Variants in ZDHHC14 observed in about 807,000 individuals in gnomAD.
ZDHHC14 encodes palmitoyltransferase ZDHHC14.
A neutral mutation model predicts 47.7 loss-of-function variants in ZDHHC14; 16 were observed. The ratio of observed to expected loss-of-function variants is 0.34; its 90% CI spans 0.23 to 0.51. The LOEUF (loss-of-function observed/expected upper bound fraction) is 0.51. Ranked by LOEUF, ZDHHC14 falls within the 20% of genes least tolerant of loss-of-function variation. The probability of loss-of-function intolerance (pLI) is 0.97; values close to 1 mark genes in which losing one functional copy is unlikely to be tolerated. For missense variants in ZDHHC14, 515 were observed against 662.5 expected, an observed-to-expected ratio of 0.78 and a Z score of 2.44; for synonymous variants, 293 against 278.9, an observed-to-expected ratio of 1.05 and a Z score of -0.50.
At chr6:157,482,867 C>G (rs139017991) in intron 1 of ZDHHC14, among the ~76,000 whole-genome samples, 1 of 151,760 alleles carries the variant, frequency 6.6e-6, no homozygotes, top group Non-Finnish European at 1.5e-5. Context: ...CTCAGCCTCC[C>G]GAGTAGCTGG....
intron 1 of ZDHHC14, among the ~76,000 whole-genome samples, chr6:157,532,707 G>T (rs575665925): frequency 1.8e-4 from 28 of 152,322 alleles, no homozygotes; most frequent in African/African-American, 6.3e-4. Flanking sequence ...CCTGGGTTTT[G>T]CCTTCTCAAA....
At chr6:157,387,429 C>T (rs952218438) in intron 1 of ZDHHC14, among the ~76,000 whole-genome samples, 1 of 152,168 alleles carries the variant, frequency 6.6e-6, no homozygotes, top group Admixed American at 6.5e-5. Context: ...CTTACCACCC[C>T]CTGGCCATGC....
intron 1 of ZDHHC14, among the ~76,000 whole-genome samples, chr6:157,521,219 T>C (rs557005115): frequency 6.6e-6 from 1 of 152,294 alleles, no homozygotes; most frequent in African/African-American, 2.4e-5. Flanking sequence ...CTTTTCTTTG[T>C]TGTGTTTTGG....
intron 3 of ZDHHC14, among the ~76,000 whole-genome samples, chr6:157,595,286 G>A (rs959556140): frequency 1.5e-5 from 2 of 134,900 alleles, no homozygotes; most frequent in African/African-American, 5.6e-5. Flanking sequence ...TCCACCTCCC[G>A]GATTCAAACA....
At chr6:157,516,825 CA>C (rs1418977075) in intron 1 of ZDHHC14, among the ~76,000 whole-genome samples, 1 of 152,160 alleles carries the variant, frequency 6.6e-6, no homozygotes. Context: ...TAATAAGTGC[CA>C]AAAACCACAC....
chr6:157,618,958 G>C (rs1013980885), intron 3 of ZDHHC14, among the ~76,000 whole-genome samples: 2 of 151,648 alleles, frequency 1.3e-5, no homozygotes, highest in Non-Finnish European at 2.9e-5. Context: ...TTCCTCACTC[G>C]CTCAAGGCCT....
chr6:157,570,203 C>A (rs1042317197), intron 2 of ZDHHC14, among the ~76,000 whole-genome samples: 1 of 152,206 alleles, frequency 6.6e-6, no homozygotes, highest in Admixed American at 6.5e-5. Context: ...AATATTAATG[C>A]CACTCAAACT....
intron 1 of ZDHHC14, among the ~76,000 whole-genome samples, chr6:157,442,815 G>C (rs771799047): frequency 9.2e-5 from 14 of 152,238 alleles, no homozygotes; most frequent in Non-Finnish European, 2.1e-4. Context: ...TCTGCCACTT[G>C]CAGCACCCCT....
chr6:157,597,107 G>A (rs575941545), intron 3 of ZDHHC14, among the ~76,000 whole-genome samples: 3 of 152,218 alleles, frequency 2.0e-5, no homozygotes, highest in African/African-American at 4.8e-5. Flanking sequence ...CACGTGGAAC[G>A]CAGCATTTCG....
intron 8 of ZDHHC14, among the ~76,000 whole-genome samples, chr6:157,654,486 A>G (rs1303731260): frequency 6.6e-6 from 1 of 152,176 alleles, no homozygotes. Flanking sequence ...ACTCCAGAGC[A>G]TCCATGACAG....
intron 3 of ZDHHC14, among the ~76,000 whole-genome samples, chr6:157,598,990 A>C (rs1181608075): frequency 1.3e-5 from 2 of 152,236 alleles, no homozygotes; most frequent in Non-Finnish European, 1.5e-5. Context: ...TTTAAAAAAA[A>C]CTTTAAAAAA....
chr6:157,382,331 C>T, intron 1 of ZDHHC14, 65 bp downstream of exon 1: 1 of 1,561,056 alleles, frequency 6.4e-7, no homozygotes, highest in Non-Finnish European at 8.6e-7. Flanking sequence ...CCCGCCCCTC[C>T]TCGGGCTGCT....
At chr6:157,431,005 A>G (rs1778328930) in intron 1 of ZDHHC14, among the ~76,000 whole-genome samples, 1 of 152,146 alleles carries the variant, frequency 6.6e-6, no homozygotes, top group South Asian at 2.1e-4. Context: ...TGTGTTGCTG[A>G]TCTGCTTGAT....
intron 1 of ZDHHC14, among the ~76,000 whole-genome samples, chr6:157,483,461 G>A (rs1779681744): frequency 6.6e-6 from 1 of 152,144 alleles, no homozygotes. Flanking sequence ...GATGAAATAT[G>A]TTTTTCCCCC....
chr6:157,521,664 C>T (rs750285204), intron 1 of ZDHHC14, among the ~76,000 whole-genome samples: 4 of 152,210 alleles, frequency 2.6e-5, no homozygotes, highest in South Asian at 2.1e-4. Flanking sequence ...CTAATGCCAT[C>T]GCATTGGCGG....
intron 1 of ZDHHC14, among the ~76,000 whole-genome samples, chr6:157,496,578 A>G (rs1342355812): frequency 6.6e-6 from 1 of 152,176 alleles, no homozygotes; most frequent in Non-Finnish European, 1.5e-5. Flanking sequence ...AGATGGACAT[A>G]CACAAAGGGA....
rs1467809079 is a variant in ZDHHC14 at position 157,675,104 on chromosome 6, C to G, written c.*1982C>G. 6.6e-6 allele frequency: 1 copy of G among 152,324 alleles called. No homozygotes were observed. The highest frequency in any genetic ancestry group is 1.5e-5 in the Non-Finnish European group (1 of 68,108). The allele number at this position is 152,324 out of a possible 1,614,324, so 9.4% of individuals were successfully genotyped here. Reference sequence around the variant, plus strand: ...GTCTCTGCTCCTTGCTTTCTTCCACCTGCTCCCCAGAGGCCCCAGGAAGGA... The same window carrying G: ...GTCTCTGCTCCTTGCTTTCTTCCACGTGCTCCCCAGAGGCCCCAGGAAGGA... On this transcript the variant is annotated 3_prime_UTR_variant, in exon 9 of 9. Coordinates refer to ENST00000359775, the MANE Select transcript of ZDHHC14 (RefSeq NM_024630.3).
chr6:157,509,913 C>G (rs1032944836), intron 1 of ZDHHC14, among the ~76,000 whole-genome samples: 4 of 152,216 alleles, frequency 2.6e-5, no homozygotes, highest in Non-Finnish European at 5.9e-5. Context: ...CTTCCTGCAG[C>G]CTCCACTCTG....
Position 157,502,128 on chromosome 6 carries a change from G to A in ZDHHC14, c.246-40457G>A, listed in dbSNP as rs1780207029. 6.6e-6 allele frequency among the ~76,000 whole-genome samples: 1 copy of A among 152,306 alleles called. No homozygotes were observed. Among genetic ancestry groups the A allele is most frequent in the East Asian group, 1.9e-4 (1 of 5,186 alleles). ...TAATTGAATCTCAGAGACAGTAGAT[G>A]TCTTTCTCAGGGCCCACAGGAGTAA... On this transcript the variant is annotated intron_variant, in intron 1 of 8. Transcript: ENST00000359775. This position sits in a 1 kb window ranked among gnomAD's most constrained non-coding sequence, Gnocchi z 4.0.
Sources: gnomAD v4.1 joint callset for allele counts (sites outside exome capture counted in the v4.1 genomes callset) on GRCh38, gnomAD v4.1.1 for gene constraint, Gnocchi (gnomAD v3.1) non-coding constraint, MANE v1.5 for transcripts, NCBI Gene and HGNC (gene_info 2026-07-23, HGNC 2026-07-21) for gene names.